SH3PXD2A: variants seen among roughly 807,000 people sequenced by gnomAD.
SH3PXD2A encodes the protein SH3 and PX domain-containing protein 2A.
A neutral mutation model predicts 115.2 loss-of-function variants in SH3PXD2A; 32 were observed. That is an observed-to-expected ratio of 0.28 (90% CI 0.21 to 0.37). SH3PXD2A has a LOEUF of 0.37. Among genes scored for constraint, SH3PXD2A ranks in the 10% least tolerant of loss-of-function variants. The probability of loss-of-function intolerance (pLI) is 1.00; values close to 1 mark genes in which losing one functional copy is unlikely to be tolerated. For synonymous variants in SH3PXD2A, 610 were observed against 629.1 expected, an observed-to-expected ratio of 0.97 and a Z score of 0.45; for missense variants, 1,328 against 1,498.7, an observed-to-expected ratio of 0.89 and a Z score of 1.88.
At chr10:103,614,226 C>T (rs889780622) in intron 11 of SH3PXD2A, among the ~76,000 whole-genome samples, 1 of 152,010 alleles carries the variant, frequency 6.6e-6, no homozygotes, top group African/African-American at 2.4e-5. Flanking sequence ...CTGCACTCCA[C>T]TCTGGGAGAC....
At chr10:103,675,580 C>T (rs1421225994) in intron 6 of SH3PXD2A, among the ~76,000 whole-genome samples, 17 of 151,970 alleles carry the variant, frequency 1.1e-4, no homozygotes, top group Non-Finnish European at 1.5e-5. Flanking sequence ...AAGAGACTTG[C>T]CTAAGATCAC....
rs1447291490 is a variant in SH3PXD2A at position 103,639,581 on chromosome 10, G to A, written c.605-12379C>T. 5.7e-5 allele frequency among the ~76,000 whole-genome samples: 8 copies of A among 139,328 alleles called. No homozygotes were observed. In the South Asian group the frequency reaches 1.8e-3, roughly 31 times the overall value. The allele number at this position is 139,328 out of a possible 152,430, so 91.4% of individuals were successfully genotyped here. On this transcript the variant is annotated intron_variant, in intron 8 of 14. Transcript: ENST00000369774. The stretch of plus-strand genomic sequence containing the variant: ...GCCAAGATCGTGCCACTGCACTCCA[G>A]CCTGGCGACAGAGCGAGACTCCGTC...
intron 13 of SH3PXD2A, among the ~76,000 whole-genome samples, chr10:103,607,365 G>C (rs1226964552): frequency 2.0e-5 from 3 of 152,056 alleles, no homozygotes; most frequent in Non-Finnish European, 4.4e-5. Context: ...GAAGTGAGGA[G>C]CGTCTCCGCC....
At chr10:103,789,557 A>G (rs2039014849) in intron 2 of SH3PXD2A, among the ~76,000 whole-genome samples, 1 of 137,528 alleles carries the variant, frequency 7.3e-6, no homozygotes, top group Non-Finnish European at 1.6e-5. Flanking sequence ...ACACACACAC[A>G]ACACTCACCT....
At chr10:103,826,672 G>A (rs765333658) in intron 1 of SH3PXD2A, among the ~76,000 whole-genome samples, 2 of 152,080 alleles carry the variant, frequency 1.3e-5, no homozygotes, top group African/African-American at 2.4e-5. Flanking sequence ...TTTTAGAGCC[G>A]GGCACTTTGT....
rs1027251579 is a variant in SH3PXD2A at position 103,600,528 on chromosome 10, T to C, written c.*1288A>G. On this transcript the variant is annotated 3_prime_UTR_variant, in exon 15 of 15. Coordinates refer to ENST00000369774, the MANE Select transcript of SH3PXD2A (RefSeq NM_001394015.1). Reference sequence around the variant, plus strand: ...ACAATGGCTGCTTCTCCATGCTTCATACGTAAGGCTTCCAGCCCTGCCCAG... The same window carrying C: ...ACAATGGCTGCTTCTCCATGCTTCACACGTAAGGCTTCCAGCCCTGCCCAG... 5.9e-5 allele frequency: 9 copies of C among 152,188 alleles called. No homozygotes were observed. Among genetic ancestry groups the C allele is most frequent in the African/African-American group, 2.2e-4 (9 of 41,454 alleles). 9.4% of individuals were successfully genotyped at this position (152,188 alleles called of 1,614,324 possible). A position where few individuals can be genotyped will look rare whatever the true frequency, so the allele number is the denominator to read the frequency against.
intron 1 of SH3PXD2A, among the ~76,000 whole-genome samples, chr10:103,812,586 G>A (rs1439385374): frequency 2.0e-5 from 3 of 152,048 alleles, no homozygotes; most frequent in East Asian, 3.9e-4. Flanking sequence ...CTGAAAATGT[G>A]CCCCACTCCA....
chr10:103,617,149 G>A (rs779802847), intron 11 of SH3PXD2A, 48 bp downstream of exon 11: 48 of 1,351,852 alleles, frequency 3.6e-5, no homozygotes, highest in Admixed American at 6.7e-5. Context: ...TCTGCCCAGG[G>A]CCCAGGTGGG....
chr10:103,808,993 C>T (rs979629849), intron 1 of SH3PXD2A, among the ~76,000 whole-genome samples: 4 of 152,198 alleles, frequency 2.6e-5, no homozygotes, highest in Non-Finnish European at 4.4e-5. Context: ...GGCCTAGGAG[C>T]AGAATACAAA....
intron 5 of SH3PXD2A, among the ~76,000 whole-genome samples, chr10:103,719,478 G>A (rs7094992): frequency 0.42 from 63,143 of 152,044 alleles, 13,917 homozygotes; most frequent in African/African-American, 0.57. Flanking sequence ...CATAGTGAGG[G>A]CTGAATGACA....
At chr10:103,628,915 C>T (rs571566960) in intron 8 of SH3PXD2A, among the ~76,000 whole-genome samples, 7 of 152,206 alleles carry the variant, frequency 4.6e-5, no homozygotes, top group African/African-American at 7.2e-5. Flanking sequence ...TGTCCGTGCC[C>T]GGGCCACTTA....
chr10:103,855,011 C>A (rs1340382745), intron 1 of SH3PXD2A, among the ~76,000 whole-genome samples, 184 bp downstream of exon 1: 4 of 151,598 alleles, frequency 2.6e-5, no homozygotes, highest in African/African-American at 9.7e-5. Context: ...GGCGGGGGTG[C>A]GAAGGAGGAA....
At chr10:103,732,205 G>C (rs78144250) in intron 4 of SH3PXD2A, among the ~76,000 whole-genome samples, 2,774 of 152,268 alleles carry the variant, frequency 0.018, 44 homozygotes, top group Middle Eastern at 0.044. Flanking sequence ...CTGCAAACAT[G>C]TATTTCACCC....
intron 1 of SH3PXD2A, among the ~76,000 whole-genome samples, chr10:103,854,678 G>C (rs1009750063): frequency 6.6e-6 from 1 of 152,216 alleles, no homozygotes; most frequent in African/African-American, 2.4e-5. Flanking sequence ...TAGCGCGGAG[G>C]GTGGAGGTTG....
At chr10:103,838,314 G>T (rs561900173) in intron 1 of SH3PXD2A, among the ~76,000 whole-genome samples, 16 of 152,334 alleles carry the variant, frequency 1.1e-4, no homozygotes, top group Admixed American at 3.9e-4. Context: ...CTCTGCACCA[G>T]GCACCTTAGC....
intron 3 of SH3PXD2A, among the ~76,000 whole-genome samples, chr10:103,744,529 C>T (rs1329761926): frequency 6.6e-6 from 1 of 152,164 alleles, no homozygotes; most frequent in East Asian, 1.9e-4. Flanking sequence ...GACTGCAGGT[C>T]ACCTCTTCCC....
chr10:103,811,487 G>A (rs905843179), intron 1 of SH3PXD2A, among the ~76,000 whole-genome samples: 3 of 152,222 alleles, frequency 2.0e-5, no homozygotes, highest in Non-Finnish European at 2.9e-5. Context: ...GTTCATAAGT[G>A]AAGAGACTAG....
At position 103,808,338 on chromosome 10, in the gene SH3PXD2A, G is replaced by A. The variant is rs59904453; in HGVS notation, c.73-6976C>T. On this transcript the variant is annotated intron_variant, in intron 1 of 14. Coordinates refer to ENST00000369774, the MANE Select transcript of SH3PXD2A (RefSeq NM_001394015.1). Reference sequence around the variant, plus strand: ...GTGATCTCAGCTCACTGCAACCTCCGCCTCCTGGGTTCAAGAGATTCTCCT... The same window carrying A: ...GTGATCTCAGCTCACTGCAACCTCCACCTCCTGGGTTCAAGAGATTCTCCT... Among the ~76,000 whole-genome samples, 1,447 of 151,390 alleles carry A rather than the reference G, an allele frequency of 9.6e-3. 19 individuals are homozygous for A. The highest frequency in any genetic ancestry group is 0.03 in the African/African-American group (1,245 of 41,184).
At chr10:103,626,779 T>C (rs1466629045) in intron 9 of SH3PXD2A, among the ~76,000 whole-genome samples, 16 of 66,538 alleles carry the variant, frequency 2.4e-4, no homozygotes, top group Non-Finnish European at 4.2e-4. Flanking sequence ...AATACAAAAA[T>C]AAAAAAAAAT....
Sources: gnomAD v4.1 joint callset for allele counts (sites outside exome capture counted in the v4.1 genomes callset) on GRCh38, gnomAD v4.1.1 for gene constraint, MANE v1.5 for transcripts, NCBI Gene and HGNC (gene_info 2026-07-23, HGNC 2026-07-21) for gene names.